LDHAL6A: variants seen among roughly 807,000 people sequenced by gnomAD.
LDHAL6A encodes lactate dehydrogenase A like 6A.
LDHAL6A carries 19 observed loss-of-function variants against 28.2 expected under a neutral mutation model. That is an observed-to-expected ratio of 0.67 (90% CI 0.47 to 0.99). LDHAL6A has a LOEUF of 0.99. Among genes scored for constraint, LDHAL6A ranks in the 50% least tolerant of loss-of-function variants. The pLI, the probability that LDHAL6A is intolerant of heterozygous loss-of-function variation, is 0.00. For missense variants in LDHAL6A, 372 were observed against 398.6 expected, an observed-to-expected ratio of 0.93 and a Z score of 0.57; for synonymous variants, 144 against 134.4, an observed-to-expected ratio of 1.07 and a Z score of -0.49.
At chr11:18,467,926 C>CATATATAT (rs1292809923) in intron 3 of LDHAL6A, among the ~76,000 whole-genome samples, 9 of 55,454 alleles carry the variant, frequency 1.6e-4, no homozygotes, top group Non-Finnish European at 2.1e-4. Context: ...TATACACACA[C>CATATATAT]ATATATATAT....
At chr11:18,470,014 C>T (rs1192894960) in intron 3 of LDHAL6A, among the ~76,000 whole-genome samples, 8 of 152,110 alleles carry the variant, frequency 5.3e-5, no homozygotes, top group East Asian at 1.9e-4. Flanking sequence ...CTGCAATCTC[C>T]GCCTCCCAGG....
intron 4 of LDHAL6A, chr11:18,475,845 C>G (rs1164013770): frequency 4.2e-6 from 2 of 473,854 alleles, no homozygotes; most frequent in East Asian, 3.3e-5. Context: ...TACTATAATC[C>G]TACATATGGA....
intron 3 of LDHAL6A, among the ~76,000 whole-genome samples, chr11:18,471,762 T>TA (rs755779286): frequency 0.021 from 2,553 of 118,898 alleles, 35 homozygotes; most frequent in African/African-American, 0.049. Context: ...CTGTCTCTAT[T>TA]AAAAAAAAAA....
chr11:18,463,168 A>G (rs1052281463), intron 1 of LDHAL6A, among the ~76,000 whole-genome samples: 1 of 152,184 alleles, frequency 6.6e-6, no homozygotes, highest in South Asian at 2.1e-4. Context: ...TTAATCCTCA[A>G]TGTGGCAGTA....
intron 1 of LDHAL6A, among the ~76,000 whole-genome samples, chr11:18,457,218 C>G (rs867447839): frequency 1.3e-5 from 2 of 152,092 alleles, no homozygotes; most frequent in South Asian, 4.1e-4. Flanking sequence ...TCTCCCATTT[C>G]CTAGTCTGTA....
chr11:18,469,218 T>G, intron 3 of LDHAL6A: 1 of 635,372 alleles, frequency 1.6e-6, no homozygotes, highest in East Asian at 3.0e-5. Context: ...GGCACTGAAG[T>G]CTGTGGGGAC....
intron 3 of LDHAL6A, among the ~76,000 whole-genome samples, chr11:18,473,588 G>A (rs946005898): frequency 5.3e-5 from 8 of 152,204 alleles, no homozygotes; most frequent in East Asian, 1.9e-4. Context: ...GTAGAGACGC[G>A]GTCTTGTTAT....
chr11:18,477,460 AAAAAG>A (rs1043335178), intron 5 of LDHAL6A, among the ~76,000 whole-genome samples, 155 bp from the exon 6 acceptor site: 3 of 151,898 alleles, frequency 2.0e-5, no homozygotes, highest in Admixed American at 1.3e-4. Context: ...CTTAAAAAAA[AAAAAG>A]AAGAAAGAAA....
intron 1 of LDHAL6A, among the ~76,000 whole-genome samples, chr11:18,462,501 G>T (rs1180438024): frequency 6.6e-6 from 1 of 151,978 alleles, no homozygotes; most frequent in African/African-American, 2.4e-5. Context: ...GCCAGGTGTG[G>T]TGGCGGGCGC....
chr11:18,462,146 C>G (rs971528531), intron 1 of LDHAL6A, among the ~76,000 whole-genome samples: 4 of 152,048 alleles, frequency 2.6e-5, no homozygotes, highest in African/African-American at 9.7e-5. Flanking sequence ...GTACTCCTAC[C>G]TGGGGGACAG....
chr11:18,476,708 C>A (rs1032852769), intron 5 of LDHAL6A: 80 of 731,192 alleles, frequency 1.1e-4, no homozygotes, highest in Non-Finnish European at 1.3e-4. Flanking sequence ...CTGAGCCTAA[C>A]CCAGTATTGA....
chr11:18,463,835 T>C, intron 1 of LDHAL6A, 126 bp from the exon 2 acceptor site: 3 of 647,378 alleles, frequency 4.6e-6, no homozygotes. Context: ...TGAGATCATT[T>C]ATTATGTTTC....
At chr11:18,475,782 C>T (rs1849362245) in intron 4 of LDHAL6A, 143 bp downstream of exon 4, 1 of 547,274 alleles carries the variant, frequency 1.8e-6, no homozygotes. Context: ...TTTTACCACA[C>T]TTATTTTTAA....
At chr11:18,471,958 G>T (rs1307044513) in intron 3 of LDHAL6A, among the ~76,000 whole-genome samples, 1 of 151,298 alleles carries the variant, frequency 6.6e-6, no homozygotes, top group Non-Finnish European at 1.5e-5. Context: ...AGGGCAGTAC[G>T]GTAAGGGAGG....
At chr11:18,472,666 T>G (rs763599361) in intron 3 of LDHAL6A, among the ~76,000 whole-genome samples, 1 of 152,216 alleles carries the variant, frequency 6.6e-6, no homozygotes, top group Non-Finnish European at 1.5e-5. Context: ...TTTTAAAGTA[T>G]GAGTTATTAC....
At chr11:18,462,546 A>G (rs962774517) in intron 1 of LDHAL6A, among the ~76,000 whole-genome samples, 1 of 151,340 alleles carries the variant, frequency 6.6e-6, no homozygotes, top group African/African-American at 2.4e-5. Context: ...CTGAGGCAGG[A>G]GAATGGCGTG....
chr11:18,465,001 T>TG (rs1849025869), intron 2 of LDHAL6A, among the ~76,000 whole-genome samples: 1 of 144,422 alleles, frequency 6.9e-6, no homozygotes, highest in African/African-American at 2.7e-5. Context: ...TGTTTTGTTT[T>TG]GGTTTGTTTT....
At chr11:18,466,378 T>C (rs900041867) in intron 3 of LDHAL6A, among the ~76,000 whole-genome samples, 1 of 152,128 alleles carries the variant, frequency 6.6e-6, no homozygotes, top group Non-Finnish European at 1.5e-5. Flanking sequence ...TGAGGCCAGA[T>C]GCAGTGGCTG....
intron 5 of LDHAL6A, 135 bp downstream of exon 5, chr11:18,476,636 G>A: frequency 7.0e-7 from 1 of 1,435,384 alleles, no homozygotes; most frequent in East Asian, 2.5e-5. Flanking sequence ...TTTTCTGTGT[G>A]ATCATATTCA....
Sources: allele counts gnomAD v4.1 joint callset (sites outside exome capture counted in the v4.1 genomes callset), GRCh38; gene constraint gnomAD v4.1.1; transcripts MANE v1.5; gene names NCBI Gene and HGNC (gene_info 2026-07-23, HGNC 2026-07-21).